Variants in KLHL1 observed in about 807,000 individuals in gnomAD.
The protein encoded by KLHL1 is kelch-like protein 1.
In KLHL1, 47 loss-of-function variants were observed where a neutral mutation model predicts 77.7. That is an observed-to-expected ratio of 0.60 (90% CI 0.48 to 0.77). KLHL1 has a LOEUF of 0.77. Ranked by LOEUF, KLHL1 falls within the 30% of genes least tolerant of loss-of-function variation. KLHL1 has a pLI of 0.00. For synonymous variants in KLHL1, 360 were observed against 325.2 expected, an observed-to-expected ratio of 1.11 and a Z score of -1.15; for missense variants, 925 against 910.8, an observed-to-expected ratio of 1.02 and a Z score of -0.20.
chr13:70,070,847 A>G (rs555610003), intron 1 of KLHL1, among the ~76,000 whole-genome samples: 1 of 152,206 alleles, frequency 6.6e-6, no homozygotes, highest in Admixed American at 6.5e-5. Context: ...TGTTATTGCA[A>G]TGGGGACTTG....
intron 4 of KLHL1, among the ~76,000 whole-genome samples, chr13:69,885,095 C>T (rs1378426202): frequency 9.2e-5 from 13 of 141,710 alleles, no homozygotes; most frequent in East Asian, 1.9e-4. Flanking sequence ...CGCCCGCCAC[C>T]ACGCCCGGCT....
At chr13:70,060,795 G>T (rs1258659202) in intron 1 of KLHL1, among the ~76,000 whole-genome samples, 1 of 151,632 alleles carries the variant, frequency 6.6e-6, no homozygotes, top group African/African-American at 2.4e-5. Context: ...GCAGTGAGCC[G>T]AGATGGCACC....
chr13:69,783,214 C>A (rs1214369596), intron 7 of KLHL1, among the ~76,000 whole-genome samples: 4 of 152,046 alleles, frequency 2.6e-5, no homozygotes, highest in African/African-American at 9.7e-5. Context: ...GATAAAATGA[C>A]AAAGATGGGG....
At chr13:69,913,289 C>G (rs1261942056) in intron 4 of KLHL1, among the ~76,000 whole-genome samples, 4 of 152,202 alleles carry the variant, frequency 2.6e-5, no homozygotes, top group Non-Finnish European at 4.4e-5. Context: ...TTTGGCTTCC[C>G]AGGAGGCAGG....
At chr13:70,013,253 A>G (rs1025979171) in intron 1 of KLHL1, among the ~76,000 whole-genome samples, 5 of 152,238 alleles carry the variant, frequency 3.3e-5, no homozygotes, top group Non-Finnish European at 5.9e-5. Context: ...ATACATTAAA[A>G]AAATACTTTC....
Position 70,107,811 on chromosome 13 carries a change from T to C in KLHL1, c.-112A>G. The C allele has an allele frequency of 1.3e-6, 1 of 794,120 alleles. No homozygotes were observed. The highest frequency in any genetic ancestry group is 1.9e-5 in the South Asian group (1 of 52,936). The allele number at this position is 794,120 out of a possible 1,614,324, so 49.2% of individuals were successfully genotyped here. On this transcript the variant is annotated 5_prime_UTR_variant, in exon 1 of 11. Coordinates refer to ENST00000377844, the MANE Select transcript of KLHL1 (RefSeq NM_020866.3). ...GGAGGAAGAGGCGGGATGCGCCCTC[T>C]GCACCCCTAGAGCCAGAAGACGCTA...
chr13:69,996,043 G>A (rs990256941), intron 1 of KLHL1, among the ~76,000 whole-genome samples: 8 of 152,088 alleles, frequency 5.3e-5, no homozygotes, highest in South Asian at 2.1e-4. Context: ...GGTAGCTCAC[G>A]CCTGTAATCC....
intron 6 of KLHL1, among the ~76,000 whole-genome samples, chr13:69,806,698 T>C (rs115977300): frequency 0.01 from 1,579 of 152,276 alleles, 27 homozygotes; most frequent in African/African-American, 0.037. Context: ...GTCTGATACA[T>C]GGAGCTGCCT....
intron 1 of KLHL1, among the ~76,000 whole-genome samples, chr13:70,071,237 A>G (rs1887131058): frequency 6.6e-6 from 1 of 152,114 alleles, no homozygotes; most frequent in East Asian, 1.9e-4. Flanking sequence ...TTACTTTCAC[A>G]CTAAACAGAC....
chr13:70,107,408 G>A lies in KLHL1; in HGVS notation c.292C>T (p.Pro98Ser). Reference sequence around the variant, plus strand: ...CCTTGCTGCAGCCTCGTGGCAACTGGAAGCAGGGTGCCATTCAGCGGATTG... The same window carrying A: ...CCTTGCTGCAGCCTCGTGGCAACTGAAAGCAGGGTGCCATTCAGCGGATTG... ...SFNPLNGTLL[P>S]VATRLQQGAP... Residue 98 changes from proline (P) to serine (S), a missense_variant, in exon 1 of 11, where the codon CCA becomes TCA. Coordinates refer to ENST00000377844, the MANE Select transcript of KLHL1 (RefSeq NM_020866.3). 1 of 1,613,124 alleles carries A rather than the reference G, an allele frequency of 6.2e-7. No homozygotes were observed. Among genetic ancestry groups the A allele is most frequent in the Non-Finnish European group, 8.5e-7 (1 of 1,180,020 alleles).
intron 1 of KLHL1, among the ~76,000 whole-genome samples, chr13:70,038,311 G>A (rs1005935203): frequency 1.3e-5 from 2 of 152,256 alleles, no homozygotes; most frequent in African/African-American, 4.8e-5. Context: ...CTGTTGAAGG[G>A]TAGCTGGACT....
intron 2 of KLHL1, among the ~76,000 whole-genome samples, chr13:69,972,048 G>C (rs1204294676): frequency 2.6e-5 from 4 of 152,042 alleles, no homozygotes; most frequent in African/African-American, 7.2e-5. Flanking sequence ...AACTGAGTGA[G>C]AGATTTAGGT....
At chr13:69,876,176 G>A (rs1378213085) in intron 5 of KLHL1, among the ~76,000 whole-genome samples, 5 of 152,054 alleles carry the variant, frequency 3.3e-5, no homozygotes, top group Non-Finnish European at 7.4e-5. Context: ...CAAATATAAC[G>A]TATAAATTTC....
intron 1 of KLHL1, among the ~76,000 whole-genome samples, chr13:70,060,771 G>T (rs748160077): frequency 6.6e-6 from 1 of 152,012 alleles, no homozygotes; most frequent in Non-Finnish European, 1.5e-5. Flanking sequence ...ACTTGAACCT[G>T]GGAGGCAGAG....
chr13:69,744,020 C>T (rs1015793513), intron 7 of KLHL1, among the ~76,000 whole-genome samples: 3 of 152,012 alleles, frequency 2.0e-5, no homozygotes, highest in African/African-American at 4.8e-5. Flanking sequence ...AATATACATG[C>T]CTACAGTTCA....
chr13:69,752,855 T>C (rs1189621700), intron 7 of KLHL1, among the ~76,000 whole-genome samples: 1 of 152,182 alleles, frequency 6.6e-6, no homozygotes, highest in Non-Finnish European at 1.5e-5. Context: ...ACCATTTAAG[T>C]GTGCTCACTC....
At chr13:69,724,815 G>A (rs9529627) in intron 8 of KLHL1, among the ~76,000 whole-genome samples, 133,430 of 152,164 alleles carry the variant, frequency 0.88, 58,870 homozygotes, top group East Asian at 0.99. Flanking sequence ...AACTCAACAA[G>A]CTTGGATAGG....
chr13:69,706,243 A>C (rs79287403), intron 10 of KLHL1, among the ~76,000 whole-genome samples: 2,117 of 151,876 alleles, frequency 0.014, 29 homozygotes, highest in Middle Eastern at 0.037. Context: ...AGATCTCTTG[A>C]TATTTCCCCT....
intron 4 of KLHL1, among the ~76,000 whole-genome samples, chr13:69,916,305 G>T (rs1015832499): frequency 9.9e-5 from 15 of 151,842 alleles, no homozygotes; most frequent in Non-Finnish European, 1.6e-4. Flanking sequence ...GTTTATTGTG[G>T]CACTATTCAC....
Sources: allele counts gnomAD v4.1 joint callset (sites outside exome capture counted in the v4.1 genomes callset), GRCh38; gene constraint gnomAD v4.1.1; transcripts MANE v1.5; gene names NCBI Gene and HGNC (gene_info 2026-07-23, HGNC 2026-07-21).